The following TAFA5 variants were observed in gnomAD, a reference collection of about 807,000 sequenced individuals.
TAFA5 encodes the protein chemokine-like protein TAFA-5.
Under a neutral mutation model 15.3 loss-of-function variants are expected in TAFA5, and 6 were observed. That is an observed-to-expected ratio of 0.39 (90% CI 0.21 to 0.77). TAFA5 has a LOEUF of 0.77. Among genes scored for constraint, TAFA5 ranks in the 30% least tolerant of loss-of-function variants. The probability of loss-of-function intolerance (pLI) is 0.41; values close to 1 mark genes in which losing one functional copy is unlikely to be tolerated. For synonymous variants in TAFA5, 103 were observed against 80.7 expected (o/e 1.28, Z -1.48); for missense variants, 161 against 193.1 (o/e 0.83, Z 0.98).
chr22:48,697,137 AAGAC>A (rs1311527068), intron 2 of TAFA5, among the ~76,000 whole-genome samples: 5 of 152,328 alleles, frequency 3.3e-5, no homozygotes, highest in African/African-American at 1.2e-4. Context: ...GACTGGAAAG[AAGAC>A]AGGCCACTGG....
intron 1 of TAFA5, among the ~76,000 whole-genome samples, chr22:48,604,957 G>A (rs1028786760): frequency 1.1e-4 from 17 of 151,922 alleles, no homozygotes; most frequent in African/African-American, 3.4e-4. Flanking sequence ...CTGTGAATAT[G>A]ATGAGGGTAA....
At chr22:48,731,289 A>G (rs1485133019) in intron 3 of TAFA5, among the ~76,000 whole-genome samples, 1 of 152,232 alleles carries the variant, frequency 6.6e-6, no homozygotes, top group Non-Finnish European at 1.5e-5. Flanking sequence ...CCACTACATA[A>G]AAGTGCAAGG....
chr22:48,732,781 C>G (rs1052289643), intron 3 of TAFA5, among the ~76,000 whole-genome samples: 1 of 152,164 alleles, frequency 6.6e-6, no homozygotes, highest in Non-Finnish European at 1.5e-5. Context: ...TCAATCGATA[C>G]AGCAAACGTT....
intron 2 of TAFA5, among the ~76,000 whole-genome samples, chr22:48,661,940 G>T (rs1232743362): frequency 6.8e-6 from 1 of 146,610 alleles, no homozygotes; most frequent in African/African-American, 2.6e-5. Flanking sequence ...ACTTTGGGGA[G>T]ATGGTGACTG....
At chr22:48,531,987 C>G (rs1429909324) in intron 1 of TAFA5, among the ~76,000 whole-genome samples, 1 of 152,248 alleles carries the variant, frequency 6.6e-6, no homozygotes, top group Non-Finnish European at 1.5e-5. Context: ...GGGTCTGATT[C>G]TGCAGCTGAG....
intron 1 of TAFA5, among the ~76,000 whole-genome samples, chr22:48,517,202 G>A (rs1235036913): frequency 2.0e-5 from 3 of 152,116 alleles, no homozygotes; most frequent in Admixed American, 1.3e-4. Flanking sequence ...GCACTCGGAC[G>A]TCCACCTGAG....
At chr22:48,561,262 G>A (rs1923220270) in intron 1 of TAFA5, among the ~76,000 whole-genome samples, 1 of 152,154 alleles carries the variant, frequency 6.6e-6, no homozygotes, top group Non-Finnish European at 1.5e-5. Flanking sequence ...AGTCCTTTCT[G>A]CTTGAAGGAC....
chr22:48,733,263 A>C (rs1483094429), intron 3 of TAFA5, among the ~76,000 whole-genome samples: 1 of 152,234 alleles, frequency 6.6e-6, no homozygotes, highest in Non-Finnish European at 1.5e-5. Context: ...TCAAATGAGC[A>C]AAAGCACCAA....
chr22:48,499,074 C>T (rs1920939858), intron 1 of TAFA5, among the ~76,000 whole-genome samples: 1 of 152,192 alleles, frequency 6.6e-6, no homozygotes. Flanking sequence ...CCCAGACCGG[C>T]GGAGCTGCTG....
At chr22:48,610,973 T>C (rs1925385748) in intron 1 of TAFA5, among the ~76,000 whole-genome samples, 1 of 151,940 alleles carries the variant, frequency 6.6e-6, no homozygotes, top group Non-Finnish European at 1.5e-5. Flanking sequence ...CTCGCTTTAT[T>C]GTCCAGCTGG....
intron 1 of TAFA5, among the ~76,000 whole-genome samples, chr22:48,527,695 G>C (rs80312054): frequency 7.0e-4 from 106 of 152,352 alleles, no homozygotes; most frequent in African/African-American, 2.3e-3. Flanking sequence ...GCTGGAAGTG[G>C]CAGGAGGATC....
chr22:48,609,490 T>C (rs28582295), intron 1 of TAFA5, among the ~76,000 whole-genome samples: 25,072 of 152,150 alleles, frequency 0.16, 2,625 homozygotes, highest in African/African-American at 0.29. Flanking sequence ...GACAGGGCGC[T>C]GGAGCCAGGA....
At chr22:48,508,078 G>T (rs1921070064) in intron 1 of TAFA5, among the ~76,000 whole-genome samples, 2 of 152,200 alleles carry the variant, frequency 1.3e-5, no homozygotes, top group Non-Finnish European at 2.9e-5. Flanking sequence ...GAGAGGGGTT[G>T]CTGGGTGCTG....
Position 48,751,003 on chromosome 22 carries a change from G to A in TAFA5, c.*1156G>A, listed in dbSNP as rs1343497754. ...GGACCCCGGGGTGCCAGGCACGGAA[G>A]GCGGGACTCTGGGAGAAGCGTGCGG... On this transcript the variant is annotated 3_prime_UTR_variant, in exon 4 of 4. Transcript: ENST00000402357. The A allele has an allele frequency of 6.6e-6, 1 of 152,404 alleles. No individual in the cohort carries two copies. The highest frequency in any genetic ancestry group is 1.5e-5 in the Non-Finnish European group (1 of 68,048). 9.4% of individuals were successfully genotyped at this position (152,404 alleles called of 1,614,324 possible).
At chr22:48,567,734 G>A (rs1429338438) in intron 1 of TAFA5, among the ~76,000 whole-genome samples, 2 of 152,194 alleles carry the variant, frequency 1.3e-5, no homozygotes, top group African/African-American at 4.8e-5. Context: ...GCAGCTCTTA[G>A]TTCTGGGTAC....
rs1380530471 is a variant in TAFA5 at position 48,490,345 on chromosome 22, G to A, written c.112+641G>A. ...TCTGGGGCCCGAGCTGGTGACCGGC[G>A]GGACTGGCGCGGGCGCGGGCTGGGG... On this transcript the variant is annotated intron_variant, in intron 1 of 3. Coordinates refer to ENST00000402357, the MANE Select transcript of TAFA5 (RefSeq NM_001082967.3). The surrounding 1 kb of genome is among the most constrained non-coding windows in gnomAD (Gnocchi z 5.8). 2.6e-5 allele frequency among the ~76,000 whole-genome samples: 4 copies of A among 152,024 alleles called. No homozygotes were observed. Among genetic ancestry groups the A allele is most frequent in the Admixed American group, 1.3e-4 (2 of 15,282 alleles).
At chr22:48,664,536 T>C (rs1391721536) in intron 2 of TAFA5, among the ~76,000 whole-genome samples, 1 of 152,186 alleles carries the variant, frequency 6.6e-6, no homozygotes, top group Non-Finnish European at 1.5e-5. Flanking sequence ...CTTAAAAAAA[T>C]ATTTCATTGA....
intron 2 of TAFA5, among the ~76,000 whole-genome samples, chr22:48,697,468 ATGATGGTGATGTTGG>A (rs1928751400): frequency 6.6e-6 from 1 of 152,004 alleles, no homozygotes; most frequent in Non-Finnish European, 1.5e-5. Flanking sequence ...GGTATTTATG[ATGATGGTGATGTTGG>A]TGATGGTGAT....
At chr22:48,573,761 C>G (rs965157968) in intron 1 of TAFA5, among the ~76,000 whole-genome samples, 1 of 152,204 alleles carries the variant, frequency 6.6e-6, no homozygotes, top group African/African-American at 2.4e-5. Flanking sequence ...CTTTAATTCT[C>G]TTTACAGAAG....
Sources: gnomAD v4.1 joint callset for allele counts (sites outside exome capture counted in the v4.1 genomes callset) on GRCh38, gnomAD v4.1.1 for gene constraint, Gnocchi (gnomAD v3.1) non-coding constraint, MANE v1.5 for transcripts, NCBI Gene and HGNC (gene_info 2026-07-23, HGNC 2026-07-21) for gene names.